Variants in SVIL observed in about 807,000 individuals in gnomAD.
SVIL encodes the protein supervillin.
In SVIL, 101 loss-of-function variants were observed where a neutral mutation model predicts 240.4. That is an observed-to-expected ratio of 0.42 (90% CI 0.36 to 0.50). The LOEUF (loss-of-function observed/expected upper bound fraction) is 0.50. SVIL is among the 20% of genes least tolerant of loss of function. The pLI is 0.01. For missense variants in SVIL, 2,512 were observed against 2,818.7 expected, an observed-to-expected ratio of 0.89 and a Z score of 2.46; for synonymous variants, 999 against 1,100.0, an observed-to-expected ratio of 0.91 and a Z score of 1.82.
chr10:29,628,698 T>C (rs1306856641), intron 1 of SVIL, among the ~76,000 whole-genome samples: 2 of 152,234 alleles, frequency 1.3e-5, no homozygotes, highest in African/African-American at 4.8e-5. Context: ...AGTTAATTTC[T>C]ACTTACAAAC....
chr10:29,463,568 C>T lies in SVIL; in HGVS notation c.6201G>A (p.Lys2067=), dbSNP rs1564449135. 2.5e-6 allele frequency: 4 copies of T among 1,614,192 alleles called. No individual in the cohort carries two copies. The highest frequency in any genetic ancestry group is 1.7e-6 in the Non-Finnish European group (2 of 1,180,044). The part of the protein sequence containing the change: ...LWQGWWPIEN[K]ITGSARIRWA... The stretch of plus-strand genomic sequence containing the variant: ...AGCGGATGCGGGCGGAACCAGTGAT[C>T]TTGTTCTCGATGGGCCACCAGCCTT... The change falls in exon 35 of 38, where the codon AAG becomes AAA. Residue 2067 remains lysine, a synonymous_variant. Transcript: ENST00000355867.
At chr10:29,500,849 C>T (rs144610784) in intron 17 of SVIL, among the ~76,000 whole-genome samples, 1 of 152,178 alleles carries the variant, frequency 6.6e-6, no homozygotes, top group Admixed American at 6.5e-5. Context: ...CTTCCCTTCA[C>T]TGACCCACGA....
chr10:29,725,566 G>C (rs1964239977), intron 1 of SVIL, among the ~76,000 whole-genome samples: 1 of 152,134 alleles, frequency 6.6e-6, no homozygotes, highest in Middle Eastern at 3.2e-3. Flanking sequence ...AGATCCTAAA[G>C]AGGAAGTGAC....
intron 6 of SVIL, among the ~76,000 whole-genome samples, chr10:29,548,246 TC>T (rs1952876959): frequency 6.6e-6 from 1 of 152,156 alleles, no homozygotes; most frequent in Non-Finnish European, 1.5e-5. Flanking sequence ...CACCCCTGTG[TC>T]CCAGTGGGAA....
chr10:29,548,448 T>G (rs140851970), intron 6 of SVIL, among the ~76,000 whole-genome samples: 1 of 152,240 alleles, frequency 6.6e-6, no homozygotes, highest in Admixed American at 6.5e-5. Flanking sequence ...ACTTTTAATA[T>G]AGCCATCACA....
chr10:29,561,772 C>T (rs74129725), intron 3 of SVIL, among the ~76,000 whole-genome samples: 8,431 of 152,218 alleles, frequency 0.055, 289 homozygotes, highest in Admixed American at 0.11. Flanking sequence ...GTACCGTGAA[C>T]GATTAATTTT....
At position 29,565,080 on chromosome 10, in the gene SVIL, T is replaced by C. The variant is rs138666438; in HGVS notation, c.-142-1788A>G. 2.4e-3 allele frequency among the ~76,000 whole-genome samples: 373 copies of C among 152,348 alleles called. 10 individuals are homozygous for C. In the East Asian group the frequency reaches 0.058, roughly 24 times the overall value. On this transcript the variant is annotated intron_variant, in intron 2 of 37. Transcript: ENST00000355867. ...TCTTTTCAGGAAAAAAAATTCTACA[T>C]TGAAGTGAAATAATGCAATCCTTGA...
intron 16 of SVIL, among the ~76,000 whole-genome samples, chr10:29,521,035 A>G (rs1299773209): frequency 1.3e-5 from 2 of 151,966 alleles, no homozygotes; most frequent in African/African-American, 4.8e-5. Context: ...CATCCTAGCT[A>G]ACACGGTGAA....
At chr10:29,577,634 G>A (rs1955761334) in intron 1 of SVIL, among the ~76,000 whole-genome samples, 1 of 152,046 alleles carries the variant, frequency 6.6e-6, no homozygotes, top group Admixed American at 6.6e-5. Flanking sequence ...GAATTGTGCT[G>A]CTATAAATAT....
intron 17 of SVIL, among the ~76,000 whole-genome samples, chr10:29,502,545 A>G (rs1387646812): frequency 6.6e-6 from 1 of 152,228 alleles, no homozygotes; most frequent in African/African-American, 2.4e-5. Context: ...GAGTTGAGGA[A>G]GAATCTAAAC....
At chr10:29,680,850 C>T (rs1015921933) in intron 2 of SVIL, among the ~76,000 whole-genome samples, 2 of 151,908 alleles carry the variant, frequency 1.3e-5, no homozygotes, top group African/African-American at 4.8e-5. Context: ...ACCCAGGAAG[C>T]AGAGACTGCA....
At chr10:29,578,070 T>A (rs951821055) in intron 1 of SVIL, among the ~76,000 whole-genome samples, 7 of 152,192 alleles carry the variant, frequency 4.6e-5, no homozygotes, top group African/African-American at 1.7e-4. Flanking sequence ...TATAGAAGAC[T>A]GGGTAAATCA....
At chr10:29,515,863 A>C (rs993615101) in intron 16 of SVIL, among the ~76,000 whole-genome samples, 2 of 152,006 alleles carry the variant, frequency 1.3e-5, no homozygotes, top group Admixed American at 1.3e-4. Context: ...ACTTAGAAAA[A>C]CACAAGCTGT....
intron 1 of SVIL, among the ~76,000 whole-genome samples, chr10:29,715,046 T>G (rs1391044636): frequency 2.0e-5 from 3 of 150,364 alleles, no homozygotes; most frequent in Non-Finnish European, 4.4e-5. Context: ...TAAACACCCC[T>G]AATATTTTGT....
At chr10:29,529,301 C>T (rs1951183733) in intron 12 of SVIL, among the ~76,000 whole-genome samples, 1 of 151,350 alleles carries the variant, frequency 6.6e-6, no homozygotes, top group East Asian at 2.0e-4. Flanking sequence ...GGTAAGACCT[C>T]TAGTGTTTGC....
chr10:29,692,401 A>G (rs1451706575), intron 1 of SVIL, among the ~76,000 whole-genome samples: 2 of 152,120 alleles, frequency 1.3e-5, no homozygotes, highest in Admixed American at 1.3e-4. Flanking sequence ...AACTTGGGCA[A>G]GTTTAATCTC....
chr10:29,512,045 C>T (rs145766531), intron 17 of SVIL, among the ~76,000 whole-genome samples: 29 of 152,320 alleles, frequency 1.9e-4, no homozygotes, highest in African/African-American at 4.8e-4. Context: ...CCAGAAGGTG[C>T]ATTTGCAATT....
intron 1 of SVIL, among the ~76,000 whole-genome samples, chr10:29,734,575 G>C (rs192018176): frequency 1.3e-5 from 2 of 152,244 alleles, no homozygotes; most frequent in Non-Finnish European, 2.9e-5. Flanking sequence ...GTGTAGGGGA[G>C]AGTCCCTGGT....
upstream of SVIL, among the ~76,000 whole-genome samples, chr10:29,637,906 A>G (rs1212300316): frequency 6.6e-6 from 1 of 152,228 alleles, no homozygotes; most frequent in Admixed American, 6.5e-5. Flanking sequence ...AGCATTTCCC[A>G]GATGACAACA....
Sources: allele counts gnomAD v4.1 joint callset (sites outside exome capture counted in the v4.1 genomes callset), GRCh38; gene constraint gnomAD v4.1.1; transcripts MANE v1.5; gene names NCBI Gene and HGNC (gene_info 2026-07-23, HGNC 2026-07-21).